KCNQ1: variants seen among roughly 807,000 people sequenced by gnomAD.
The protein encoded by KCNQ1 is potassium voltage-gated channel subfamily Q member 1.
Under a neutral mutation model 72.4 loss-of-function variants are expected in KCNQ1, and 49 were observed. The ratio of observed to expected loss-of-function variants is 0.68; its 90% confidence interval spans 0.54 to 0.86. The LOEUF (loss-of-function observed/expected upper bound fraction) is 0.86, where lower values mean the gene tolerates loss of function less well. Ranked by LOEUF, KCNQ1 falls within the 40% of genes least tolerant of loss-of-function variation. The probability of loss-of-function intolerance (pLI) is 0.00; values close to 1 mark genes in which losing one functional copy is unlikely to be tolerated. For missense variants in KCNQ1, 790 were observed against 945.1 expected (o/e 0.84, Z 2.15); for synonymous variants, 450 against 412.6 (o/e 1.09, Z -1.10).
At chr11:2,622,970 G>A in intron 10 of KCNQ1, 1 of 398,620 alleles carries the variant, frequency 2.5e-6, no homozygotes, top group African/African-American at 2.1e-5. Flanking sequence ...TGTTGATATG[G>A]TTTGGCTCTG....
At chr11:2,733,339 C>T (rs1845884773) in intron 11 of KCNQ1, among the ~76,000 whole-genome samples, 1 of 151,992 alleles carries the variant, frequency 6.6e-6, no homozygotes, top group Non-Finnish European at 1.5e-5. Context: ...GCTCCCCACA[C>T]TCGCCCTCCT....
chr11:2,547,887 G>C lies in KCNQ1; in HGVS notation c.477+19869G>C, dbSNP rs1847921460. Among the ~76,000 whole-genome samples the C allele has an allele frequency of 2.0e-5, 3 of 152,256 alleles. 1 individual carries two copies. The South Asian group carries it at 6.2e-4, about 31-fold the overall frequency. On this transcript the variant is annotated intron_variant, in intron 2 of 15. Transcript: ENST00000155840. The surrounding 1 kb of genome is among the most constrained non-coding windows in gnomAD (Gnocchi z 4.2). ...TCAAGCATTCCTGGCAGAGAGCATG[G>C]CACGTGCCAAGACCCGGATGGGGCG...
intron 1 of KCNQ1, among the ~76,000 whole-genome samples, chr11:2,517,296 A>C (rs1004661114): frequency 4.6e-5 from 7 of 152,102 alleles, no homozygotes; most frequent in Admixed American, 1.3e-4. Context: ...GTTCCTGGCG[A>C]TGGGGATGGG....
intron 10 of KCNQ1, among the ~76,000 whole-genome samples, chr11:2,605,015 T>G (rs1848859978): frequency 6.6e-6 from 1 of 152,240 alleles, no homozygotes; most frequent in Non-Finnish European, 1.5e-5. Context: ...TATCTCCTTT[T>G]GGGTGTGATT....
intron 11 of KCNQ1, among the ~76,000 whole-genome samples, chr11:2,751,879 C>A (rs572996150): frequency 6.6e-6 from 1 of 152,208 alleles, no homozygotes; most frequent in African/African-American, 2.4e-5. Context: ...GCCAGCTTTG[C>A]CCTATTCCCC....
intron 10 of KCNQ1, chr11:2,648,447 C>A (rs1200771227): frequency 5.0e-6 from 2 of 398,226 alleles, no homozygotes; most frequent in Non-Finnish European, 8.8e-6. Flanking sequence ...TTGTTGTACC[C>A]TATACATTTT....
At chr11:2,662,730 T>C in intron 11 of KCNQ1, 1 of 400,526 alleles carries the variant, frequency 2.5e-6, no homozygotes, top group Non-Finnish European at 4.4e-6. Flanking sequence ...CCAAGTCCAT[T>C]CTGGCCACAG....
chr11:2,566,283 C>T lies in KCNQ1; in HGVS notation c.478-4345C>T, dbSNP rs1047106419. ...GCCACTTCCAGAACCACCACCATGCCCAGGTCATGTCTGTGCATGAGAGTG... is the reference window on the plus strand; with the variant it reads ...GCCACTTCCAGAACCACCACCATGCTCAGGTCATGTCTGTGCATGAGAGTG... On this transcript the variant is annotated intron_variant, in intron 2 of 15. Coordinates refer to ENST00000155840, the MANE Select transcript of KCNQ1 (RefSeq NM_000218.3). This position sits in a 1 kb window ranked among gnomAD's most constrained non-coding sequence, Gnocchi z 6.7. Among the ~76,000 whole-genome samples the T allele has an allele frequency of 1.3e-5, 2 of 152,204 alleles. No homozygotes were observed. Among genetic ancestry groups the T allele is most frequent in the Non-Finnish European group, 2.9e-5 (2 of 68,032 alleles).
rs1160356048 is a variant in KCNQ1 at position 2,848,985 on chromosome 11, A to G, written c.*982A>G. The G allele has an allele frequency of 1.8e-5, 8 of 454,136 alleles. No homozygotes were observed. The highest frequency in any genetic ancestry group is 3.5e-5 in the Non-Finnish European group (8 of 226,782). 28.1% of individuals were successfully genotyped at this position (454,136 alleles called of 1,614,324 possible). A position where few individuals can be genotyped will look rare whatever the true frequency, so the allele number is the denominator to read the frequency against. On this transcript the variant is annotated 3_prime_UTR_variant, in exon 16 of 16. Transcript: ENST00000155840. ...CAAGCTTTTCCTAATAAACGTGGAG[A>G]ATCACAGGCTGGGCTGGGCACTGCT...
At chr11:2,514,154 G>A (rs542946472) in intron 1 of KCNQ1, among the ~76,000 whole-genome samples, 4 of 152,318 alleles carry the variant, frequency 2.6e-5, no homozygotes, top group South Asian at 4.1e-4. Context: ...TGCCATTATC[G>A]TACCTTACCT....
chr11:2,583,594 T>A (rs1487059819), intron 7 of KCNQ1, 49 bp downstream of exon 7: 7 of 1,323,602 alleles, frequency 5.3e-6, no homozygotes, highest in Non-Finnish European at 7.7e-6. Context: ...ACAGCTGGGG[T>A]CCTGGGGTGG....
chr11:2,536,101 C>T lies in KCNQ1; in HGVS notation c.477+8083C>T, dbSNP rs1275498116. Among the ~76,000 whole-genome samples the T allele has an allele frequency of 3.3e-5, 5 of 152,236 alleles. No individual in the cohort carries two copies. The highest frequency in any genetic ancestry group is 4.8e-5 in the African/African-American group (2 of 41,466). On this transcript the variant is annotated intron_variant, in intron 2 of 15. Coordinates refer to ENST00000155840, the MANE Select transcript of KCNQ1 (RefSeq NM_000218.3). This position sits in a 1 kb window ranked among gnomAD's most constrained non-coding sequence, Gnocchi z 7.4. ...CTGTCCCCAGCCACCCAGCCCCATG[C>T]ACAGGCCACGCGGCGACAGGGGCTG...
chr11:2,529,806 G>A (rs952384339), intron 2 of KCNQ1, among the ~76,000 whole-genome samples: 2 of 152,142 alleles, frequency 1.3e-5, no homozygotes, highest in Non-Finnish European at 2.9e-5. Context: ...TGCGGCCAGC[G>A]GGGCCCTCCT....
chr11:2,568,092 A>C (rs891586405), intron 2 of KCNQ1, among the ~76,000 whole-genome samples: 4 of 152,074 alleles, frequency 2.6e-5, no homozygotes, highest in Non-Finnish European at 5.9e-5. Flanking sequence ...AACATGGCAA[A>C]ACCCCATCTC....
At position 2,475,530 on chromosome 11, in the gene KCNQ1, C is replaced by T. The variant is rs926039056; in HGVS notation, c.386+30046C>T. ...AAATGGCTAAAGATTTTCAAGCACA[C>T]ACACCTAAAGATAGCAGACATTCCA... On this transcript the variant is annotated intron_variant, in intron 1 of 15. Transcript: ENST00000155840. This position sits in a 1 kb window ranked among gnomAD's most constrained non-coding sequence, Gnocchi z 5.8. 3.9e-5 allele frequency among the ~76,000 whole-genome samples: 6 copies of T among 152,196 alleles called. No individual in the cohort carries two copies. The highest frequency in any genetic ancestry group is 1.4e-4 in the African/African-American group (6 of 41,436).
chr11:2,616,270 G>A (rs1849062876), intron 10 of KCNQ1: 1 of 391,972 alleles, frequency 2.6e-6, no homozygotes, highest in Non-Finnish European at 4.5e-6. Context: ...TTAGATATGT[G>A]CAACTTCTCT....
intron 6 of KCNQ1, among the ~76,000 whole-genome samples, chr11:2,580,644 C>T (rs1319469140): frequency 1.3e-5 from 2 of 152,152 alleles, no homozygotes; most frequent in African/African-American, 4.8e-5. Flanking sequence ...TCCCTGAGCC[C>T]AGCCCCAGCA....
rs1357195771 is a variant in KCNQ1 at position 2,579,829 on chromosome 11, C to A, written c.922-3606C>A. 1.3e-5 allele frequency among the ~76,000 whole-genome samples: 2 copies of A among 151,932 alleles called. No individual in the cohort carries two copies. The highest frequency in any genetic ancestry group is 2.4e-5 in the African/African-American group (1 of 41,356). On this transcript the variant is annotated intron_variant, in intron 6 of 15. Coordinates refer to ENST00000155840, the MANE Select transcript of KCNQ1 (RefSeq NM_000218.3). This position sits in a 1 kb window ranked among gnomAD's most constrained non-coding sequence, Gnocchi z 6.0. ...AGCTCAGCCCCAGGAGGTGACACCC[C>A]CACCCTCAGCAGCTCTCGTCTGTTT...
chr11:2,814,766 C>T (rs1847581027), intron 15 of KCNQ1, among the ~76,000 whole-genome samples: 1 of 152,146 alleles, frequency 6.6e-6, no homozygotes, highest in Admixed American at 6.5e-5. Context: ...TCCAAGTCCT[C>T]GAGGCTGGCA....
Sources: gnomAD v4.1 joint callset for allele counts (sites outside exome capture counted in the v4.1 genomes callset) on GRCh38, gnomAD v4.1.1 for gene constraint, Gnocchi (gnomAD v3.1) non-coding constraint, MANE v1.5 for transcripts, NCBI Gene and HGNC (gene_info 2026-07-23, HGNC 2026-07-21) for gene names.